Variants in EYA2 observed in about 807,000 individuals in gnomAD.
EYA2 encodes the protein protein phosphatase EYA2.
In EYA2, 31 loss-of-function variants were observed where a neutral mutation model predicts 69.2. The observed-to-expected ratio is 0.45, with a 90% CI of 0.34 to 0.60. The LOEUF (loss-of-function observed/expected upper bound fraction) is 0.60. Among genes scored for constraint, EYA2 ranks in the 20% least tolerant of loss-of-function variants. The probability of loss-of-function intolerance (pLI) is 0.02; values close to 1 mark genes in which losing one functional copy is unlikely to be tolerated. For synonymous variants in EYA2, 257 were observed against 279.4 expected, an observed-to-expected ratio of 0.92 and a Z score of 0.80; for missense variants, 622 against 701.2, an observed-to-expected ratio of 0.89 and a Z score of 1.28.
intron 1 of EYA2, among the ~76,000 whole-genome samples, chr20:46,984,325 A>G (rs950408633): frequency 6.6e-6 from 1 of 152,246 alleles, no homozygotes; most frequent in African/African-American, 2.4e-5. Flanking sequence ...AATTTACAGC[A>G]TTCGAAAAAC....
At chr20:46,974,762 A>G (rs982336795) in intron 1 of EYA2, among the ~76,000 whole-genome samples, 7 of 151,614 alleles carry the variant, frequency 4.6e-5, no homozygotes, top group Non-Finnish European at 1.0e-4. Flanking sequence ...TTTCTTTTTA[A>G]TGGCTCTGCA....
At chr20:47,086,997 C>T (rs2031915015) in intron 7 of EYA2, among the ~76,000 whole-genome samples, 1 of 152,102 alleles carries the variant, frequency 6.6e-6, no homozygotes, top group South Asian at 2.1e-4. Flanking sequence ...ATTTACATTG[C>T]TCTTCAGCAT....
At position 47,125,709 on chromosome 20, in the gene EYA2, T is replaced by A. The variant is rs374458628; in HGVS notation, c.889-17350T>A. Among the ~76,000 whole-genome samples, 11 of 152,372 alleles carry A rather than the reference T, an allele frequency of 7.2e-5. No homozygotes were observed. In the East Asian group the frequency reaches 2.1e-3, roughly 29 times the overall value. ...ACCTCTGGCTGACACTTCCAAGAGA[T>A]AAACCCCACAGAATAGGGAGCTGGT... On this transcript the variant is annotated intron_variant, in intron 9 of 15. Coordinates refer to ENST00000327619, the MANE Select transcript of EYA2 (RefSeq NM_005244.5).
Position 47,065,793 on chromosome 20 carries a change from A to G in EYA2, c.416-6392A>G, listed in dbSNP as rs138811218. Among the ~76,000 whole-genome samples the G allele has an allele frequency of 2.8e-3, 424 of 152,294 alleles. 1 individual carries two copies. Among genetic ancestry groups the G allele is most frequent in the Non-Finnish European group, 4.8e-3 (326 of 68,020 alleles). ...ATAAACGGTTTGTGAGCAGGCACCA[A>G]TCTGCAGTTCACACCTCAGTAGTGC... On this transcript the variant is annotated intron_variant, in intron 5 of 15. Transcript: ENST00000327619.
At chr20:47,008,882 C>G (rs1029739612) in intron 4 of EYA2, among the ~76,000 whole-genome samples, 1 of 152,198 alleles carries the variant, frequency 6.6e-6, no homozygotes, top group African/African-American at 2.4e-5. Context: ...ATCATCTACA[C>G]CAGGGGTTGG....
chr20:47,166,661 T>C (rs2034203774), intron 10 of EYA2, among the ~76,000 whole-genome samples: 1 of 151,830 alleles, frequency 6.6e-6, no homozygotes, highest in Admixed American at 6.6e-5. Context: ...GTGTAAGATC[T>C]TAACACAGTG....
intron 9 of EYA2, among the ~76,000 whole-genome samples, chr20:47,110,531 C>T (rs1312723972): frequency 2.0e-5 from 3 of 152,180 alleles, no homozygotes; most frequent in African/African-American, 4.8e-5. Context: ...CGCTCCACTG[C>T]TCTTAACCAC....
At chr20:47,175,154 T>C (rs1314305033) in intron 12 of EYA2, among the ~76,000 whole-genome samples, 3 of 152,240 alleles carry the variant, frequency 2.0e-5, no homozygotes, top group Non-Finnish European at 4.4e-5. Context: ...GCCAGCGGCA[T>C]GCCGGTCTCC....
intron 4 of EYA2, among the ~76,000 whole-genome samples, chr20:47,012,163 C>T (rs1307174931): frequency 1.3e-5 from 2 of 152,196 alleles, no homozygotes; most frequent in Non-Finnish European, 2.9e-5. Context: ...GTTGTTGACA[C>T]CCTCTCTGAA....
At chr20:47,173,164 G>A (rs760877322) in intron 12 of EYA2, among the ~76,000 whole-genome samples, 1 of 152,120 alleles carries the variant, frequency 6.6e-6, no homozygotes, top group Non-Finnish European at 1.5e-5. Context: ...GGCTCTCACA[G>A]TGTGGTCCTC....
chr20:47,012,407 T>C (rs1469605047), intron 4 of EYA2, among the ~76,000 whole-genome samples: 1 of 152,232 alleles, frequency 6.6e-6, no homozygotes. Flanking sequence ...AAAGACCAGT[T>C]TTTGGGTTTT....
intron 10 of EYA2, among the ~76,000 whole-genome samples, chr20:47,154,334 T>C (rs2033879081): frequency 6.6e-6 from 1 of 152,022 alleles, no homozygotes; most frequent in Non-Finnish European, 1.5e-5. Context: ...ATTACTTCCT[T>C]AGAGGCCCTA....
At chr20:47,042,698 T>C (rs1489534980) in intron 5 of EYA2, among the ~76,000 whole-genome samples, 4 of 152,178 alleles carry the variant, frequency 2.6e-5, no homozygotes, top group African/African-American at 9.7e-5. Context: ...CCAGCTTCCC[T>C]CTGTCGGTCT....
At chr20:47,163,278 AC>A (rs1376424925) in intron 10 of EYA2, among the ~76,000 whole-genome samples, 2 of 151,798 alleles carry the variant, frequency 1.3e-5, no homozygotes, top group African/African-American at 2.4e-5. Context: ...CTATCTGCCC[AC>A]CTTGGCCTCC....
intron 1 of EYA2, among the ~76,000 whole-genome samples, chr20:46,966,122 T>C (rs565725335): frequency 1.3e-5 from 2 of 152,220 alleles, no homozygotes; most frequent in Non-Finnish European, 2.9e-5. Context: ...AGGCAACCTC[T>C]TACAGTCTTT....
At chr20:47,050,824 G>A (rs1299260074) in intron 5 of EYA2, among the ~76,000 whole-genome samples, 1 of 152,220 alleles carries the variant, frequency 6.6e-6, no homozygotes, top group Admixed American at 6.5e-5. Flanking sequence ...TTGCAGGAGT[G>A]GAGTTGATAT....
At chr20:46,923,710 GGAGA>G (rs139897049) in intron 1 of EYA2, among the ~76,000 whole-genome samples, 12 of 151,814 alleles carry the variant, frequency 7.9e-5, no homozygotes, top group African/African-American at 1.7e-4. Flanking sequence ...GTGTGTGTGT[GGAGA>G]GAGAGAGAGG....
chr20:47,146,418 G>T (rs80198114), intron 10 of EYA2, among the ~76,000 whole-genome samples: 1 of 152,092 alleles, frequency 6.6e-6, no homozygotes, highest in Non-Finnish European at 1.5e-5. Context: ...TGCTGTTTCT[G>T]TCTGGCCCCT....
intron 7 of EYA2, among the ~76,000 whole-genome samples, chr20:47,082,587 A>G (rs1189111446): frequency 6.6e-6 from 1 of 152,254 alleles, no homozygotes; most frequent in Non-Finnish European, 1.5e-5. Context: ...GCATTAATAA[A>G]TGGAGATATA....
Sources: allele counts gnomAD v4.1 joint callset (sites outside exome capture counted in the v4.1 genomes callset), GRCh38; gene constraint gnomAD v4.1.1; transcripts MANE v1.5; gene names NCBI Gene and HGNC (gene_info 2026-07-23, HGNC 2026-07-21).